GTF2A1L: variants seen among roughly 807,000 people sequenced by gnomAD.
GTF2A1L encodes TFIIA-alpha and beta-like factor.
A neutral mutation model predicts 49.7 loss-of-function variants in GTF2A1L; 48 were observed. The ratio of observed to expected loss-of-function variants is 0.97; its 90% CI spans 0.77 to 1.23. GTF2A1L has a LOEUF of 1.23. GTF2A1L is among the 50% of genes most tolerant of loss of function. The pLI is 0.00. For missense variants in GTF2A1L, 736 were observed against 564.8 expected (o/e 1.30, Z -3.07); for synonymous variants, 246 against 193.5 (o/e 1.27, Z -2.25).
At chr2:48,661,954 A>G (rs1367255060) in intron 6 of GTF2A1L, among the ~76,000 whole-genome samples, 1 of 152,040 alleles carries the variant, frequency 6.6e-6, no homozygotes, top group South Asian at 2.1e-4. Flanking sequence ...TTCTATATGT[A>G]TTTAGGTTTT....
chr2:48,673,791 T>TG (rs1156734248), intron 8 of GTF2A1L, among the ~76,000 whole-genome samples: 1 of 152,180 alleles, frequency 6.6e-6, no homozygotes, highest in Non-Finnish European at 1.5e-5. Context: ...AAGGCCTGTT[T>TG]GTTCAGATTT....
chr2:48,618,268 G>C (rs950829059), intron 1 of GTF2A1L, among the ~76,000 whole-genome samples: 1 of 152,252 alleles, frequency 6.6e-6, no homozygotes, highest in African/African-American at 2.4e-5. Context: ...ATTCCAAGCT[G>C]TATTATTTAC....
rs33987892 is a variant in GTF2A1L, at chr2:48,669,758, A to G, written c.1015A>G (p.Thr339Ala). ...TCAGGTGGATTTAAGCATTCGGGTTACTGATGATGATATTGGTGAAATAAT... is the reference window on the plus strand; with the variant it reads ...TCAGGTGGATTTAAGCATTCGGGTTGCTGATGATGATATTGGTGAAATAAT... ...NSQVDLSIRV[T>A]DDDIGEIIQV... Residue 339 changes from threonine (T) to alanine (A), a missense_variant, in exon 7 of 9, where the codon ACT (threonine) becomes GCT (alanine). Thr to Ala is a moderately conservative substitution (Grantham distance 58, BLOSUM62 0). Coordinates refer to ENST00000403751, the MANE Select transcript of GTF2A1L (RefSeq NM_006872.5). 0.018 allele frequency: 28,415 copies of G among 1,613,646 alleles called. 342 individuals carry two copies. Among genetic ancestry groups the G allele is most frequent in the Non-Finnish European group, 0.022 (25,747 of 1,179,772 alleles).
chr2:48,649,187 G>A (rs1315773235), intron 6 of GTF2A1L, among the ~76,000 whole-genome samples: 7 of 152,006 alleles, frequency 4.6e-5, no homozygotes, highest in Non-Finnish European at 2.9e-5. Flanking sequence ...TACAATATTT[G>A]CCCTTTTGTG....
intron 8 of GTF2A1L, 40 bp downstream of exon 8, chr2:48,671,720 C>A: frequency 1.3e-6 from 2 of 1,540,912 alleles, no homozygotes; most frequent in Non-Finnish European, 1.8e-6. Flanking sequence ...TTATTAACTG[C>A]ATTTATAGTA....
chr2:48,619,434 T>TA (rs1413497904), intron 1 of GTF2A1L, among the ~76,000 whole-genome samples: 1 of 149,370 alleles, frequency 6.7e-6, no homozygotes, highest in African/African-American at 2.5e-5. Context: ...TGTGCTACCG[T>TA]ACTCCAGCCT....
intron 6 of GTF2A1L, among the ~76,000 whole-genome samples, chr2:48,665,510 C>T (rs1021294811): frequency 6.6e-6 from 1 of 151,908 alleles, no homozygotes; most frequent in Non-Finnish European, 1.5e-5. Flanking sequence ...AAAGTTTGGA[C>T]ATTATGTTTT....
chr2:48,662,769 C>G (rs889605224), intron 6 of GTF2A1L, among the ~76,000 whole-genome samples: 1 of 150,958 alleles, frequency 6.6e-6, no homozygotes, highest in South Asian at 2.1e-4. Context: ...TACATAGATG[C>G]GTTGCTTTTC....
chr2:48,675,966 A>G (rs1238897377), intron 8 of GTF2A1L, among the ~76,000 whole-genome samples: 2 of 151,818 alleles, frequency 1.3e-5, no homozygotes, highest in Non-Finnish European at 3.0e-5. Flanking sequence ...AATACTGTAA[A>G]AAGGTATACA....
rs563991431 is a variant in GTF2A1L at position 48,622,499 on chromosome 2, A to T, written c.247+1209A>T. ...ACTGTTTTATTTATTACAGAATGCT[A>T]AAGATGTTTTTTTAACTTATGGTTG... On this transcript the variant is annotated intron_variant, in intron 3 of 8. Coordinates refer to ENST00000403751, the MANE Select transcript of GTF2A1L (RefSeq NM_006872.5). Among the ~76,000 whole-genome samples, 418 of 152,142 alleles carry T rather than the reference A, an allele frequency of 2.7e-3. 5 individuals carry two copies. The highest frequency in any genetic ancestry group is 9.8e-3 in the African/African-American group (407 of 41,458).
chr2:48,644,966 G>C lies in GTF2A1L; in HGVS notation c.304-67G>C, dbSNP rs1471075289. On this transcript the variant is annotated intron_variant, in intron 4 of 8. Transcript: ENST00000403751. ...AATCAGATTTTTTGACTCCCTGTGA[G>C]ATCAGGGAAAAAAAGATACAAGTAA... is the stretch of plus-strand genomic sequence containing the variant. The C allele has an allele frequency of 1.5e-5, 21 of 1,430,390 alleles. No individual in the cohort carries two copies. The East Asian group carries it at 4.6e-4, about 31-fold the overall frequency. The allele number at this position is 1,430,390 out of a possible 1,614,324, so 88.6% of individuals were successfully genotyped here.
rs1431974743 is a variant in GTF2A1L at position 48,666,383 on chromosome 2, A to T, written c.979-3339A>T. Among the ~76,000 whole-genome samples the T allele has an allele frequency of 2.6e-5, 4 of 151,770 alleles. No individual in the cohort carries two copies. In the East Asian group the frequency reaches 7.7e-4, roughly 29 times the overall value. ...ACCACGCCCAGCTAATTTTTAAAAA[A>T]CATTTTTAGTAGAGATGGGGTTTCA... is the stretch of plus-strand genomic sequence containing the variant. On this transcript the variant is annotated intron_variant, in intron 6 of 8. Transcript: ENST00000403751.
rs748043265 is a variant in GTF2A1L, at chr2:48,669,923, G to A, written c.1180G>A (p.Glu394Lys). The A allele has an allele frequency of 6.2e-7, 1 of 1,614,118 alleles. No individual in the cohort carries two copies. The highest frequency in any genetic ancestry group is 8.5e-7 in the Non-Finnish European group (1 of 1,180,016). The change falls in exon 7 of 9, where the codon GAG (glutamate) becomes AAG (lysine). Residue 394 changes from glutamate to lysine, a missense_variant. Transcript: ENST00000403751. ...PEEEADSISN[E>K]DSATNSSDNE... ...AGAAGAAGCTGACAGTATTTCAAAT[G>A]AGGATTCAGCCACAAACAGTAGTGA...
At chr2:48,665,031 C>G (rs562591979) in intron 6 of GTF2A1L, among the ~76,000 whole-genome samples, 2 of 152,202 alleles carry the variant, frequency 1.3e-5, no homozygotes, top group Admixed American at 1.3e-4. Flanking sequence ...ACGTGATTCT[C>G]GTGCCTCAGC....
intron 8 of GTF2A1L, among the ~76,000 whole-genome samples, chr2:48,673,049 T>C (rs141266972): frequency 2.0e-5 from 3 of 152,344 alleles, no homozygotes; most frequent in African/African-American, 4.8e-5. Context: ...ATATAATATG[T>C]GGTCTTTTGT....
intron 3 of GTF2A1L, among the ~76,000 whole-genome samples, chr2:48,624,320 C>A (rs1048680598): frequency 6.9e-6 from 1 of 144,160 alleles, no homozygotes; most frequent in African/African-American, 2.5e-5. Context: ...AATAATTCTT[C>A]GAGAACAAAA....
intron 6 of GTF2A1L, among the ~76,000 whole-genome samples, chr2:48,654,330 A>G (rs1282183108): frequency 6.6e-6 from 1 of 152,162 alleles, no homozygotes; most frequent in Non-Finnish European, 1.5e-5. Flanking sequence ...CTGTATAGTT[A>G]TAGTTTTGTC....
chr2:48,617,952 G>A (rs1484998792), intron 1 of GTF2A1L, 57 bp downstream of exon 1: 13 of 1,515,302 alleles, frequency 8.6e-6, no homozygotes, highest in African/African-American at 1.4e-5. Context: ...CGGGTTCACG[G>A]CAGCCGAACC....
intron 6 of GTF2A1L, among the ~76,000 whole-genome samples, chr2:48,666,148 T>G (rs1360493839): frequency 6.6e-6 from 1 of 152,068 alleles, no homozygotes; most frequent in Non-Finnish European, 1.5e-5. Flanking sequence ...ATGTGTTTTT[T>G]CTGTTCATTT....
Sources: allele counts gnomAD v4.1 joint callset (sites outside exome capture counted in the v4.1 genomes callset), GRCh38; gene constraint gnomAD v4.1.1; transcripts MANE v1.5; gene names NCBI Gene and HGNC (gene_info 2026-07-23, HGNC 2026-07-21).